TUSC3: variants seen among roughly 807,000 people sequenced by gnomAD.
TUSC3 encodes the protein tumor suppressor candidate 3, also known as dolichyl-diphosphooligosaccharide--protein glycosyltransferase subunit TUSC3.
A neutral mutation model predicts 44.8 loss-of-function variants in TUSC3; 45 were observed. The observed-to-expected ratio is 1.00, with a 90% CI of 0.79 to 1.29. The LOEUF (loss-of-function observed/expected upper bound fraction) is 1.29, where lower values mean the gene tolerates loss of function less well. Ranked by LOEUF, TUSC3 falls within the 50% of genes most tolerant of loss-of-function variation. The pLI is 0.00. For synonymous variants in TUSC3, 212 were observed against 152.9 expected, an observed-to-expected ratio of 1.39 and a Z score of -2.85; for missense variants, 519 against 437.9, an observed-to-expected ratio of 1.19 and a Z score of -1.65.
At chr8:15,651,148 T>G (rs1311243341) in intron 3 of TUSC3, 1 of 294,126 alleles carries the variant, frequency 3.4e-6, no homozygotes, top group East Asian at 8.7e-5. Flanking sequence ...TTATGATAAA[T>G]TCATTTTAAC....
At chr8:15,421,862 T>G (rs932684627) in intron 1 of TUSC3, among the ~76,000 whole-genome samples, 4 of 152,196 alleles carry the variant, frequency 2.6e-5, no homozygotes, top group Non-Finnish European at 4.4e-5. Flanking sequence ...TAGTCTGATT[T>G]TATGTTTTCT....
intron 6 of TUSC3, among the ~76,000 whole-genome samples, chr8:15,686,227 C>G (rs963086540): frequency 6.6e-6 from 1 of 152,000 alleles, no homozygotes; most frequent in Non-Finnish European, 1.5e-5. Context: ...GTTAAAAAAG[C>G]AATAATCTTT....
intron 1 of TUSC3, among the ~76,000 whole-genome samples, chr8:15,436,352 T>C (rs1461849232): frequency 6.6e-6 from 1 of 152,234 alleles, no homozygotes; most frequent in Non-Finnish European, 1.5e-5. Flanking sequence ...TGGGATGGAA[T>C]GTCTATTGGC....
intron 2 of TUSC3, among the ~76,000 whole-genome samples, chr8:15,533,589 C>T (rs1315927422): frequency 6.6e-6 from 1 of 152,064 alleles, no homozygotes; most frequent in Non-Finnish European, 1.5e-5. Flanking sequence ...TTGTTGCTGT[C>T]TTATTTTGGA....
At chr8:15,622,990 AAG>A in intron 1 of TUSC3, 88 bp from the exon 2 acceptor site, 17 of 1,338,498 alleles carry the variant, frequency 1.3e-5, no homozygotes, top group Non-Finnish European at 1.8e-5. Context: ...CATTAGGAAA[AAG>A]AAAATAAAAC....
chr8:15,828,102 C>CT, the TUSC3 span, among the ~76,000 whole-genome samples: 1 of 151,572 alleles, frequency 6.6e-6, no homozygotes, highest in Non-Finnish European at 1.5e-5. Flanking sequence ...TCAAGCAACT[C>CT]TCCTGCCTCA....
intron 6 of TUSC3, among the ~76,000 whole-genome samples, chr8:15,716,823 C>T (rs1382334818): frequency 1.3e-5 from 2 of 151,866 alleles, no homozygotes; most frequent in African/African-American, 4.8e-5. Context: ...CACTTTTTCT[C>T]TACTATTTAT....
At chr8:15,781,863 T>A in the TUSC3 span, among the ~76,000 whole-genome samples, 1 of 152,172 alleles carries the variant, frequency 6.6e-6, no homozygotes, top group African/African-American at 2.4e-5. Flanking sequence ...ATGGGCACGG[T>A]GGCTCATGTC....
intron 1 of TUSC3, among the ~76,000 whole-genome samples, chr8:15,561,304 G>A (rs143130036): frequency 7.1e-6 from 1 of 140,378 alleles, no homozygotes; most frequent in African/African-American, 2.6e-5. Flanking sequence ...GTGCCTCCCA[G>A]TTCGGCTGCT....
chr8:15,635,404 G>T (rs892762621), intron 2 of TUSC3, among the ~76,000 whole-genome samples: 14 of 152,150 alleles, frequency 9.2e-5, no homozygotes, highest in African/African-American at 3.4e-4. Context: ...GATGCTAGCA[G>T]ATGTTAGGGC....
At chr8:15,783,428 C>T in the TUSC3 span, among the ~76,000 whole-genome samples, 1 of 151,900 alleles carries the variant, frequency 6.6e-6, no homozygotes, top group Non-Finnish European at 1.5e-5. Context: ...CAATCATGAG[C>T]AAAAAGAACA....
At chr8:15,664,133 T>C (rs1036830302) in intron 5 of TUSC3, among the ~76,000 whole-genome samples, 2 of 151,768 alleles carry the variant, frequency 1.3e-5, no homozygotes, top group Admixed American at 6.6e-5. Flanking sequence ...GGAATTTATA[T>C]TGTCCTCATT....
At chr8:15,715,815 C>A (rs903167979) in intron 6 of TUSC3, among the ~76,000 whole-genome samples, 1 of 152,020 alleles carries the variant, frequency 6.6e-6, no homozygotes, top group Non-Finnish European at 1.5e-5. Flanking sequence ...TATGATGGAA[C>A]GATTCTCATT....
chr8:15,808,785 C>G, the TUSC3 span, among the ~76,000 whole-genome samples: 2 of 152,100 alleles, frequency 1.3e-5, no homozygotes, highest in South Asian at 2.1e-4. Flanking sequence ...CTGCCTCATT[C>G]TGAGCTCTTG....
In TUSC3 at chr8:15,540,287, C is replaced by G; in HGVS notation, c.-144C>G. 8.4e-7 allele frequency: 1 copy of G among 1,194,624 alleles called. No individual in the cohort carries two copies. The highest frequency in any genetic ancestry group is 4.1e-5 in the Admixed American group (1 of 24,522). The allele number at this position is 1,194,624 out of a possible 1,614,324, so 74.0% of individuals were successfully genotyped here. ...CAGTCTCCTCCTCTGCGTCCTCGGC[C>G]GCGGCCCGGGTCCCTCGCAAAGCCG... On this transcript the variant is annotated 5_prime_UTR_variant, in exon 1 of 11. Transcript: ENST00000503731.
At chr8:15,656,192 C>G (rs1433739153) in intron 3 of TUSC3, among the ~76,000 whole-genome samples, 2 of 152,058 alleles carry the variant, frequency 1.3e-5, no homozygotes, top group East Asian at 2.0e-4. Context: ...TTCTCACACT[C>G]AGAATACATT....
chr8:15,802,137 G>A, the TUSC3 span, among the ~76,000 whole-genome samples: 1 of 152,132 alleles, frequency 6.6e-6, no homozygotes, highest in Non-Finnish European at 1.5e-5. Context: ...TAGAAAGAGG[G>A]ATGCCCGAGA....
the TUSC3 span, among the ~76,000 whole-genome samples, chr8:15,782,283 G>A: frequency 7.9e-5 from 12 of 152,120 alleles, no homozygotes; most frequent in Non-Finnish European, 1.6e-4. Flanking sequence ...GACCAGCCTC[G>A]GTGACATAGC....
chr8:15,582,653 G>C (rs1052033266), intron 1 of TUSC3, among the ~76,000 whole-genome samples: 2 of 152,194 alleles, frequency 1.3e-5, no homozygotes, highest in African/African-American at 2.4e-5. Flanking sequence ...GGGGGATAAA[G>C]CACTGGTCAC....
Sources: gnomAD v4.1 joint callset for allele counts (sites outside exome capture counted in the v4.1 genomes callset) on GRCh38, gnomAD v4.1.1 for gene constraint, MANE v1.5 for transcripts, NCBI Gene and HGNC (gene_info 2026-07-23, HGNC 2026-07-21) for gene names.